Variants in EEA1 observed in about 807,000 individuals in gnomAD.
EEA1 encodes early endosome antigen 1, also known as early endosome antigen 1, 162kD.
Under a neutral mutation model 209.2 loss-of-function variants are expected in EEA1, and 111 were observed. The observed-to-expected ratio is 0.53, with a 90% CI of 0.45 to 0.62. The LOEUF (loss-of-function observed/expected upper bound fraction) is 0.62, where lower values mean the gene tolerates loss of function less well. EEA1 is among the 20% of genes least tolerant of loss of function. The probability of loss-of-function intolerance (pLI) is 0.00; values close to 1 mark genes in which losing one functional copy is unlikely to be tolerated. For missense variants in EEA1, 1,343 were observed against 1,530.8 expected (o/e 0.88, Z 2.05); for synonymous variants, 536 against 540.6 (o/e 0.99, Z 0.12).
chr12:92,839,475 CTAAATT>C (rs1250758444), intron 10 of EEA1, among the ~76,000 whole-genome samples: 1 of 152,072 alleles, frequency 6.6e-6, no homozygotes, highest in Non-Finnish European at 1.5e-5. Flanking sequence ...CTGTATGAGA[CTAAATT>C]TTCTTCATAT....
At chr12:92,884,335 T>C in intron 2 of EEA1, 3 of 1,277,298 alleles carry the variant, frequency 2.3e-6, no homozygotes, top group Non-Finnish European at 3.4e-6. Flanking sequence ...TGGCTAGGGC[T>C]TTATCCAGCC....
At chr12:92,837,794 CT>C (rs1222132247) in intron 10 of EEA1, among the ~76,000 whole-genome samples, 5 of 152,130 alleles carry the variant, frequency 3.3e-5, no homozygotes, top group Non-Finnish European at 5.9e-5. Flanking sequence ...ACAATGTTAC[CT>C]ATCCACGTTG....
Position 92,778,199 on chromosome 12 carries a change from G to T in EEA1, c.3655-20C>A. The stretch of plus-strand genomic sequence containing the variant: ...GGAATGCTGAAAAAAAGGAAAAGTT[G>T]GGGGGAAATCTATTACAAAAGTAGT... On this transcript the variant is annotated intron_variant, in intron 25 of 28. Transcript: ENST00000322349. The T allele has an allele frequency of 1.3e-6, 2 of 1,584,968 alleles. No homozygotes were observed. Among genetic ancestry groups the T allele is most frequent in the Non-Finnish European group, 1.7e-6 (2 of 1,157,962 alleles).
Position 92,913,506 on chromosome 12 carries a change from G to C in EEA1, c.24+15537C>G, listed in dbSNP as rs944552509. Among the ~76,000 whole-genome samples, 3 of 152,134 alleles carry C rather than the reference G, an allele frequency of 2.0e-5. No homozygotes were observed. The Middle Eastern group carries it at 0.01, about 517-fold the overall frequency. On this transcript the variant is annotated intron_variant, in intron 1 of 28. Transcript: ENST00000322349. Reference sequence around the variant, plus strand: ...TTGTCTGTTGATTATTTCTTTGGCTGTACAGACAATTTTTACTTTAATTCC... The same window carrying C: ...TTGTCTGTTGATTATTTCTTTGGCTCTACAGACAATTTTTACTTTAATTCC...
chr12:92,917,432 C>G (rs868127761), intron 1 of EEA1, among the ~76,000 whole-genome samples: 5,410 of 148,378 alleles, frequency 0.036, 138 homozygotes, highest in Middle Eastern at 0.094. Flanking sequence ...AGAGTGGGGG[C>G]CAATATTCAA....
At chr12:92,904,917 T>TAA (rs1437984282) in intron 1 of EEA1, among the ~76,000 whole-genome samples, 1 of 152,202 alleles carries the variant, frequency 6.6e-6, no homozygotes, top group East Asian at 1.9e-4. Context: ...TTCCATTATG[T>TAA]AAGCATGATT....
chr12:92,795,375 C>G (rs1028098642), intron 21 of EEA1, among the ~76,000 whole-genome samples: 1 of 152,186 alleles, frequency 6.6e-6, no homozygotes, highest in Non-Finnish European at 1.5e-5. Context: ...AGTTTCTCTA[C>G]GCACTAAAGT....
chr12:92,808,429 T>A (rs1231383419), intron 18 of EEA1, among the ~76,000 whole-genome samples: 1 of 151,926 alleles, frequency 6.6e-6, no homozygotes, highest in African/African-American at 2.4e-5. Flanking sequence ...GTTTCCTTTG[T>A]CTTCATAAAC....
chr12:92,844,172 C>A (rs1452929606), intron 9 of EEA1, among the ~76,000 whole-genome samples: 1 of 151,680 alleles, frequency 6.6e-6, no homozygotes, highest in African/African-American at 2.4e-5. Context: ...AGAAGGTAAG[C>A]GATTGGACTG....
chr12:92,854,030 A>G, intron 5 of EEA1, 76 bp from the exon 6 acceptor site: 1 of 1,186,948 alleles, frequency 8.4e-7, no homozygotes. Flanking sequence ...AATGTTAAAA[A>G]ATCTCTGAAA....
chr12:92,845,380 A>G (rs1408456048), intron 9 of EEA1, among the ~76,000 whole-genome samples: 2 of 152,118 alleles, frequency 1.3e-5, no homozygotes, highest in Non-Finnish European at 2.9e-5. Flanking sequence ...TTGGGGAAAA[A>G]ATAAAGATTA....
At chr12:92,828,493 C>T (rs17020765) in intron 11 of EEA1, among the ~76,000 whole-genome samples, 3,717 of 151,984 alleles carry the variant, frequency 0.024, 169 homozygotes, top group African/African-American at 0.084. Flanking sequence ...CTACAGTTAA[C>T]TTTTTACATT....
At chr12:92,911,071 T>C (rs1186546524) in intron 1 of EEA1, among the ~76,000 whole-genome samples, 2 of 150,724 alleles carry the variant, frequency 1.3e-5, no homozygotes, top group East Asian at 1.9e-4. Context: ...GGAAGACAGT[T>C]TGGTAGTTCC....
intron 25 of EEA1, among the ~76,000 whole-genome samples, chr12:92,778,458 A>C (rs769266014): frequency 7.9e-5 from 12 of 152,092 alleles, no homozygotes; most frequent in Non-Finnish European, 1.6e-4. Context: ...AGAGCAGGAA[A>C]GACACATATG....
At chr12:92,860,465 A>G (rs1878090320) in intron 3 of EEA1, among the ~76,000 whole-genome samples, 1 of 152,144 alleles carries the variant, frequency 6.6e-6, no homozygotes, top group Non-Finnish European at 1.5e-5. Context: ...ACATTTTCTA[A>G]TTGCTTATTT....
rs1873391753 is a variant in EEA1, at chr12:92,770,779, T to TA, written c.*5231dup. The TA allele has an allele frequency of 1.3e-5, 2 of 152,102 alleles. No homozygotes were observed. The highest frequency in any genetic ancestry group is 4.8e-5 in the African/African-American group (2 of 41,422). 9.4% of individuals were successfully genotyped at this position (152,102 alleles called of 1,614,324 possible). On this transcript the variant is annotated 3_prime_UTR_variant, in exon 29 of 29. Coordinates refer to ENST00000322349, the MANE Select transcript of EEA1 (RefSeq NM_003566.4). ...AACTCATCTCAGGTATATAGTACTC[T>TA]AACGTGGAAGTAGAAAATCCCAAAG...
chr12:92,864,112 T>C (rs925025020), intron 3 of EEA1, among the ~76,000 whole-genome samples: 1 of 152,190 alleles, frequency 6.6e-6, no homozygotes. Context: ...TTTAATACAG[T>C]AAAATGGCCA....
chr12:92,833,764 AC>A (rs1251394819), intron 10 of EEA1, among the ~76,000 whole-genome samples: 1 of 152,160 alleles, frequency 6.6e-6, no homozygotes, highest in African/African-American at 2.4e-5. Flanking sequence ...AACAAAATAT[AC>A]TCTAAATGAA....
intron 10 of EEA1, 39 bp from the exon 11 acceptor site, chr12:92,832,889 A>G: frequency 2.1e-6 from 3 of 1,434,576 alleles, no homozygotes; most frequent in Non-Finnish European, 2.8e-6. Flanking sequence ...CTTTTCTAAT[A>G]TTTTTAATTA....
Sources: allele counts gnomAD v4.1 joint callset (sites outside exome capture counted in the v4.1 genomes callset), GRCh38; gene constraint gnomAD v4.1.1; transcripts MANE v1.5; gene names NCBI Gene and HGNC (gene_info 2026-07-23, HGNC 2026-07-21).